Variants in BTBD9 observed in about 807,000 individuals in gnomAD.
BTBD9 encodes the protein BTB domain containing 9.
BTBD9 carries 49 observed loss-of-function variants against 64.3 expected under a neutral mutation model. The observed-to-expected ratio is 0.76, with a 90% CI of 0.61 to 0.97. The LOEUF (loss-of-function observed/expected upper bound fraction) is 0.97, where lower values mean the gene tolerates loss of function less well. Among genes scored for constraint, BTBD9 ranks in the 50% least tolerant of loss-of-function variants. BTBD9 has a pLI of 0.00. For synonymous variants in BTBD9, 260 were observed against 274.7 expected (o/e 0.95, Z 0.53); for missense variants, 598 against 762.1 (o/e 0.78, Z 2.53).
intron 1 of BTBD9, among the ~76,000 whole-genome samples, chr6:38,618,153 A>C (rs901403362): frequency 1.3e-5 from 2 of 152,220 alleles, no homozygotes; most frequent in African/African-American, 4.8e-5. Flanking sequence ...GGAAACACTC[A>C]GGTATCAACA....
intron 6 of BTBD9, among the ~76,000 whole-genome samples, chr6:38,410,902 T>C (rs1767397353): frequency 6.6e-6 from 1 of 152,134 alleles, no homozygotes; most frequent in South Asian, 2.1e-4. Flanking sequence ...TATCATGTCA[T>C]GAATTCACAT....
chr6:38,418,560 A>G (rs1242577085), intron 6 of BTBD9, among the ~76,000 whole-genome samples: 1 of 152,200 alleles, frequency 6.6e-6, no homozygotes, highest in Non-Finnish European at 1.5e-5. Context: ...GTCCCTCTGA[A>G]GTGATGAGTT....
rs76832822 is a variant in BTBD9 at position 38,508,781 on chromosome 6, T to A, written c.1154+68819A>T. On this transcript the variant is annotated intron_variant, in intron 6 of 10. Transcript: ENST00000481247. ...AAAACTACCAACTTCCCATGCTCTTTCTTCTTGCAGTCCATACATGTTATT... is the reference window on the plus strand; with the variant it reads ...AAAACTACCAACTTCCCATGCTCTTACTTCTTGCAGTCCATACATGTTATT... Among the ~76,000 whole-genome samples the A allele has an allele frequency of 9.8e-5, 15 of 152,290 alleles. No individual in the cohort carries two copies. The East Asian group carries it at 2.3e-3, about 23-fold the overall frequency.
chr6:38,588,430 C>T (rs757188809), intron 4 of BTBD9: 17 of 825,944 alleles, frequency 2.1e-5, no homozygotes, highest in Non-Finnish European at 3.3e-5. Flanking sequence ...TTTTACTTCA[C>T]TTCCTGTAAG....
At chr6:38,248,251 A>G (rs1764276700) in intron 9 of BTBD9, among the ~76,000 whole-genome samples, 1 of 152,226 alleles carries the variant, frequency 6.6e-6, no homozygotes, top group African/African-American at 2.4e-5. Flanking sequence ...AATTTAGATG[A>G]TAAATCTGGC....
At position 38,363,671 on chromosome 6, in the gene BTBD9, A is replaced by G. The variant is rs546202254; in HGVS notation, c.1155-18578T>C. Among the ~76,000 whole-genome samples the G allele has an allele frequency of 2.0e-5, 3 of 152,348 alleles. No homozygotes were observed. In the South Asian group the frequency reaches 6.2e-4, roughly 32 times the overall value. ...ATTTATCATAACTACTTTGGGAAAA[A>G]TAGAAAGGGAAGAGATAAAAATATT... On this transcript the variant is annotated intron_variant, in intron 6 of 10. Transcript: ENST00000481247.
At chr6:38,536,819 G>A (rs9462441) in intron 6 of BTBD9, among the ~76,000 whole-genome samples, 10,489 of 152,162 alleles carry the variant, frequency 0.069, 877 homozygotes, top group East Asian at 0.23. Flanking sequence ...CAGAGGCTGA[G>A]AAGAGTGCTG....
At chr6:38,544,984 G>A (rs1477659920) in intron 6 of BTBD9, among the ~76,000 whole-genome samples, 1 of 149,586 alleles carries the variant, frequency 6.7e-6, no homozygotes, top group Admixed American at 6.7e-5. Flanking sequence ...GATGGTTGTA[G>A]GAGATGAAGC....
chr6:38,344,524 C>A (rs1437676956), intron 7 of BTBD9, among the ~76,000 whole-genome samples: 1 of 152,158 alleles, frequency 6.6e-6, no homozygotes, highest in African/African-American at 2.4e-5. Flanking sequence ...TTCGGGCAAA[C>A]ATGAATTCAT....
chr6:38,378,103 G>A (rs1214175693), intron 6 of BTBD9, among the ~76,000 whole-genome samples: 2 of 152,092 alleles, frequency 1.3e-5, no homozygotes, highest in African/African-American at 4.8e-5. Flanking sequence ...CCCAGTGGAG[G>A]ACGACTCTCG....
chr6:38,408,168 G>A (rs1767253307), intron 6 of BTBD9, among the ~76,000 whole-genome samples: 1 of 151,980 alleles, frequency 6.6e-6, no homozygotes, highest in Non-Finnish European at 1.5e-5. Context: ...ACCAGCCTGG[G>A]CAACACAGTG....
chr6:38,416,084 A>C (rs1767652044), intron 6 of BTBD9, among the ~76,000 whole-genome samples: 1 of 152,216 alleles, frequency 6.6e-6, no homozygotes, highest in Admixed American at 6.5e-5. Flanking sequence ...ACAGAATTCC[A>C]TAGTACCAAG....
chr6:38,327,922 T>C (rs1341170597), intron 7 of BTBD9, among the ~76,000 whole-genome samples: 1 of 152,240 alleles, frequency 6.6e-6, no homozygotes, highest in African/African-American at 2.4e-5. Context: ...GAAATAGGAC[T>C]TTTCTTAGTT....
At chr6:38,342,649 TCAGGAGGGGAGTGCATATTTCA>T (rs1764149965) in intron 7 of BTBD9, among the ~76,000 whole-genome samples, 1 of 152,002 alleles carries the variant, frequency 6.6e-6, no homozygotes, top group South Asian at 2.1e-4. Flanking sequence ...TCAGTGATTC[TCAGGAGGGGAGTGCATATTTCA>T]CAGGATATAA....
chr6:38,181,824 C>A (rs776014962), intron 10 of BTBD9, among the ~76,000 whole-genome samples: 1 of 152,052 alleles, frequency 6.6e-6, no homozygotes, highest in African/African-American at 2.4e-5. Context: ...CTGGTCTCTA[C>A]TAAAAATACA....
In BTBD9 at chr6:38,399,362, A is replaced by G. The variant is rs532591700; in HGVS notation, c.1155-54269T>C. On this transcript the variant is annotated intron_variant, in intron 6 of 10. Coordinates refer to ENST00000481247, the MANE Select transcript of BTBD9 (RefSeq NM_001099272.2). ...TAATCACATGAAAGGCAACAGTGCA[A>G]GTGAAAGAACGCTGGACTTGGGAGC... 2.6e-5 allele frequency among the ~76,000 whole-genome samples: 4 copies of G among 152,336 alleles called. No homozygotes were observed. The East Asian group carries it at 7.7e-4, about 29-fold the overall frequency.
chr6:38,435,232 G>A (rs1422568657), intron 6 of BTBD9, among the ~76,000 whole-genome samples: 1 of 151,588 alleles, frequency 6.6e-6, no homozygotes, highest in African/African-American at 2.4e-5. Context: ...TATTCCCTAT[G>A]TTCCATATCC....
intron 6 of BTBD9, among the ~76,000 whole-genome samples, chr6:38,375,934 A>AGAAAGAAAGAAAGAAG (rs1554143846): frequency 1.1e-3 from 131 of 115,636 alleles, no homozygotes; most frequent in Non-Finnish European, 1.9e-3. Context: ...AAAGAAAGAA[A>AGAAAGAAAGAAAGAAG]GAAAGAAGGA....
intron 6 of BTBD9, among the ~76,000 whole-genome samples, chr6:38,527,403 A>G (rs1214932564): frequency 6.6e-6 from 1 of 151,876 alleles, no homozygotes; most frequent in Non-Finnish European, 1.5e-5. Context: ...AGGAAACTGT[A>G]ATCCCCACAT....
Sources: allele counts gnomAD v4.1 joint callset (sites outside exome capture counted in the v4.1 genomes callset), GRCh38; gene constraint gnomAD v4.1.1; transcripts MANE v1.5; gene names NCBI Gene and HGNC (gene_info 2026-07-23, HGNC 2026-07-21).